Variants in LARGE1 observed in about 807,000 individuals in gnomAD.
The protein encoded by LARGE1 is LARGE xylosyl- and glucuronyltransferase 1, also known as xylosyl- and glucuronyltransferase LARGE1.
LARGE1 carries 43 observed loss-of-function variants against 87.6 expected under a neutral mutation model. That is an observed-to-expected ratio of 0.49 (90% CI 0.38 to 0.63). LARGE1 has a LOEUF of 0.63. LARGE1 is among the 30% of genes least tolerant of loss of function. The pLI is 0.00. For synonymous variants in LARGE1, 434 were observed against 394.6 expected (o/e 1.10, Z -1.18); for missense variants, 802 against 1,000.2 (o/e 0.80, Z 2.67).
At chr22:33,919,467 T>TC (rs1008598675) in intron 1 of LARGE1, among the ~76,000 whole-genome samples, 13 of 152,092 alleles carry the variant, frequency 8.5e-5, no homozygotes, top group Non-Finnish European at 1.9e-4. Flanking sequence ...TGGCTGGGCT[T>TC]CCCCCCTACA....
At chr22:33,556,807 A>C (rs1186917081) in intron 6 of LARGE1, among the ~76,000 whole-genome samples, 1 of 152,074 alleles carries the variant, frequency 6.6e-6, no homozygotes, top group Non-Finnish European at 1.5e-5. Flanking sequence ...GGAGATCAAG[A>C]CCAGCGTGGC....
the LARGE1 span, among the ~76,000 whole-genome samples, chr22:33,151,951 AC>A: frequency 0.41 from 61,522 of 149,664 alleles, 12,780 homozygotes; most frequent in South Asian, 0.66. Context: ...AAAAAAAAAA[AC>A]AAGTTGTGAA....
At chr22:33,094,406 A>G in the LARGE1 span, among the ~76,000 whole-genome samples, 1 of 151,922 alleles carries the variant, frequency 6.6e-6, no homozygotes, top group African/African-American at 2.4e-5. Context: ...TCCCCTGGCA[A>G]TCATGCTCCT....
rs1218320759 is a variant in LARGE1, at chr22:33,340,234, C to G, written c.1132-2433G>C. Among the ~76,000 whole-genome samples, 5 of 151,716 alleles carry G rather than the reference C, an allele frequency of 3.3e-5. No individual in the cohort carries two copies. The East Asian group carries it at 9.6e-4, about 29-fold the overall frequency. ...TGGTCACAGAAAAGTAGGCTTGGAA[C>G]CTCTGAAGCCTGGTTCCAGAGTCCA... On this transcript the variant is annotated intron_variant, in intron 9 of 14. Transcript: ENST00000397394.
intron 11 of LARGE1, among the ~76,000 whole-genome samples, chr22:33,314,400 C>A (rs1423051550): frequency 6.6e-6 from 1 of 152,180 alleles, no homozygotes; most frequent in Non-Finnish European, 1.5e-5. Context: ...CCACCCTCAA[C>A]ATGAATCATT....
At chr22:33,402,751 A>G (rs1256027406) in intron 7 of LARGE1, among the ~76,000 whole-genome samples, 1 of 152,158 alleles carries the variant, frequency 6.6e-6, no homozygotes, top group Non-Finnish European at 1.5e-5. Context: ...TAACCAAACT[A>G]GTTTCTTCCT....
At chr22:33,442,531 C>G (rs926211147) in intron 6 of LARGE1, among the ~76,000 whole-genome samples, 1 of 152,114 alleles carries the variant, frequency 6.6e-6, no homozygotes, top group African/African-American at 2.4e-5. Flanking sequence ...ACCAGGCATG[C>G]TGTGGGAAGG....
intron 1 of LARGE1, among the ~76,000 whole-genome samples, chr22:33,761,930 G>A (rs1019240654): frequency 6.6e-6 from 1 of 152,044 alleles, no homozygotes; most frequent in African/African-American, 2.4e-5. Context: ...AAGAAGACTA[G>A]AATAGGCTGG....
intron 1 of LARGE1, among the ~76,000 whole-genome samples, chr22:33,870,174 A>C (rs2064231580): frequency 6.6e-6 from 1 of 152,206 alleles, no homozygotes; most frequent in Non-Finnish European, 1.5e-5. Flanking sequence ...AAAGAGCTCC[A>C]GTGATGACAG....
the LARGE1 span, among the ~76,000 whole-genome samples, chr22:33,089,530 C>T: frequency 6.7e-6 from 1 of 150,144 alleles, no homozygotes; most frequent in African/African-American, 2.5e-5. Flanking sequence ...CAGGGTCTTG[C>T]TTTGTCACTC....
chr22:33,819,589 GTCAACTGCCTTGACT>G (rs1378072167), intron 1 of LARGE1, among the ~76,000 whole-genome samples: 2 of 151,874 alleles, frequency 1.3e-5, no homozygotes, highest in Non-Finnish European at 2.9e-5. Context: ...AAGGGTTGAA[GTCAACTGCCTTGACT>G]TCAAATAATT....
intron 6 of LARGE1, among the ~76,000 whole-genome samples, chr22:33,526,524 C>T (rs916090484): frequency 6.6e-6 from 1 of 152,202 alleles, no homozygotes; most frequent in South Asian, 2.1e-4. Context: ...GGTGCCTGGA[C>T]TAAGGGTTTT....
chr22:33,543,882 T>C (rs1176649784), intron 6 of LARGE1, among the ~76,000 whole-genome samples: 1 of 152,198 alleles, frequency 6.6e-6, no homozygotes, highest in Admixed American at 6.5e-5. Context: ...ATCTGAGAAC[T>C]GGGGTTTTGG....
At chr22:33,914,353 T>A (rs2065724441) in intron 1 of LARGE1, among the ~76,000 whole-genome samples, 1 of 152,214 alleles carries the variant, frequency 6.6e-6, no homozygotes, top group South Asian at 2.1e-4. Flanking sequence ...TCAGGCCAAA[T>A]GAATGGGTTT....
chr22:33,897,566 C>T (rs2065177358), intron 1 of LARGE1, among the ~76,000 whole-genome samples: 2 of 152,152 alleles, frequency 1.3e-5, no homozygotes, highest in South Asian at 2.1e-4. Flanking sequence ...TCTATCCCAG[C>T]TCAGCCAGTG....
At chr22:33,517,015 C>G (rs2071341600) in intron 6 of LARGE1, among the ~76,000 whole-genome samples, 1 of 152,130 alleles carries the variant, frequency 6.6e-6, no homozygotes, top group African/African-American at 2.4e-5. Flanking sequence ...ATATTGCTAC[C>G]AACTCTTTGT....
intron 11 of LARGE1, among the ~76,000 whole-genome samples, chr22:33,169,243 G>T (rs1274754213): frequency 6.6e-6 from 1 of 152,154 alleles, no homozygotes; most frequent in Non-Finnish European, 1.5e-5. Context: ...AATAAGGATT[G>T]AATTAGGTCT....
intron 4 of LARGE1, among the ~76,000 whole-genome samples, chr22:33,608,169 A>G (rs542974797): frequency 1.4e-4 from 22 of 152,346 alleles, no homozygotes; most frequent in African/African-American, 5.1e-4. Flanking sequence ...GAGAATGGAT[A>G]AAGGTAAGCC....
chr22:33,246,324 T>C (rs1000564347), intron 11 of LARGE1, among the ~76,000 whole-genome samples: 1 of 152,192 alleles, frequency 6.6e-6, no homozygotes, highest in Non-Finnish European at 1.5e-5. Flanking sequence ...AGTAACACTT[T>C]GGGATATTAT....
Sources: allele counts gnomAD v4.1 joint callset (sites outside exome capture counted in the v4.1 genomes callset), GRCh38; gene constraint gnomAD v4.1.1; transcripts MANE v1.5; gene names NCBI Gene and HGNC (gene_info 2026-07-23, HGNC 2026-07-21).